The following ANXA6 variants were observed in gnomAD, a reference collection of about 807,000 sequenced individuals.
The protein encoded by ANXA6 is annexin A6, also known as 67 kDa calelectrin.
Under a neutral mutation model 95.4 loss-of-function variants are expected in ANXA6, and 71 were observed. The observed-to-expected ratio is 0.74, with a 90% CI of 0.61 to 0.91. The LOEUF (loss-of-function observed/expected upper bound fraction) is 0.91. ANXA6 is among the 40% of genes least tolerant of loss of function. ANXA6 has a pLI of 0.00. For synonymous variants in ANXA6, 289 were observed against 315.9 expected, an observed-to-expected ratio of 0.91 and a Z score of 0.90; for missense variants, 830 against 876.4, an observed-to-expected ratio of 0.95 and a Z score of 0.67.
At chr5:151,105,445 C>G in intron 23 of ANXA6, 142 bp from the exon 24 acceptor site, 2 of 725,520 alleles carry the variant, frequency 2.8e-6, no homozygotes, top group South Asian at 3.1e-5. Context: ...CATGCTCAGA[C>G]GACACCTTTG....
intron 7 of ANXA6, among the ~76,000 whole-genome samples, chr5:151,135,176 G>T (rs1346076394): frequency 6.6e-6 from 1 of 152,190 alleles, no homozygotes; most frequent in African/African-American, 2.4e-5. Flanking sequence ...CCTGGATTGT[G>T]CATTCCAGGA....
In ANXA6 at chr5:151,126,543, A is replaced by AACACACACACACACAC; in HGVS notation, c.978-79_978-64dup. 4 of 829,058 alleles carry AACACACACACACACAC rather than the reference A, an allele frequency of 4.8e-6. No individual in the cohort carries two copies. In the South Asian group the frequency reaches 6.1e-5, roughly 13 times the overall value. 51.4% of individuals were successfully genotyped at this position (829,058 alleles called of 1,614,324 possible). A position where few individuals can be genotyped will look rare whatever the true frequency, so the allele number is the denominator to read the frequency against. ...TGTCATCATGGGCAACACTCACACCAACACACACACACACACACACACACA... is the reference window on the plus strand; with the variant it reads ...TGTCATCATGGGCAACACTCACACCAACACACACACACACACACACACACACACACACACACACACA... On this transcript the variant is annotated intron_variant, in intron 13 of 25. Transcript: ENST00000354546.
intron 7 of ANXA6, 21 bp downstream of exon 7, chr5:151,136,235 A>G (rs1765656815): frequency 1.9e-6 from 3 of 1,613,272 alleles, no homozygotes; most frequent in South Asian, 2.2e-5. Context: ...TCCAGAGGAA[A>G]AAAATAGGCT....
intron 12 of ANXA6, among the ~76,000 whole-genome samples, chr5:151,128,737 TG>T (rs754321518): frequency 6.6e-6 from 1 of 152,256 alleles, no homozygotes; most frequent in Non-Finnish European, 1.5e-5. Flanking sequence ...GGCTTCATAA[TG>T]GACTTCAAAA....
intron 21 of ANXA6, 66 bp downstream of exon 21, chr5:151,110,561 T>G: frequency 6.4e-7 from 1 of 1,561,250 alleles, no homozygotes; most frequent in Non-Finnish European, 8.8e-7. Flanking sequence ...ACTGCCCCGC[T>G]CGGCCCAGTA....
Position 151,101,098 on chromosome 5 carries a change from C to G in ANXA6, c.*350G>C, listed in dbSNP as rs763483697. The G allele has an allele frequency of 8.0e-6, 4 of 497,670 alleles. No homozygotes were observed. The highest frequency in any genetic ancestry group is 1.6e-5 in the Non-Finnish European group (4 of 257,034). 30.8% of individuals were successfully genotyped at this position (497,670 alleles called of 1,614,324 possible). A position where few individuals can be genotyped will look rare whatever the true frequency, so the allele number is the denominator to read the frequency against. On this transcript the variant is annotated 3_prime_UTR_variant, in exon 26 of 26. Coordinates refer to ENST00000354546, the MANE Select transcript of ANXA6 (RefSeq NM_001155.5). ...AACCCCCTCATTCAAAGTACAGACA[C>G]TACTCATTTTACAGACAGAGGTTCA...
At chr5:151,130,256 G>A (rs3762994) in intron 11 of ANXA6, among the ~76,000 whole-genome samples, 23,981 of 150,674 alleles carry the variant, frequency 0.16, 2,207 homozygotes, top group South Asian at 0.37. Flanking sequence ...TTTTGAAGAG[G>A]CAGGGTCTCA....
chr5:151,122,053 C>A (rs1765181941), intron 17 of ANXA6, 94 bp downstream of exon 17: 1 of 719,878 alleles, frequency 1.4e-6, no homozygotes, highest in East Asian at 3.3e-5. Flanking sequence ...GGAGTTCTAC[C>A]AAGAAGTTAC....
At chr5:151,132,856 A>G (rs550969800) in intron 9 of ANXA6, among the ~76,000 whole-genome samples, 3 of 151,764 alleles carry the variant, frequency 2.0e-5, no homozygotes, top group South Asian at 4.2e-4. Flanking sequence ...GAGGGACTAT[A>G]CAAACTGCTG....
intron 17 of ANXA6, among the ~76,000 whole-genome samples, chr5:151,119,672 G>A (rs998949652): frequency 1.2e-4 from 19 of 152,184 alleles, no homozygotes; most frequent in African/African-American, 4.6e-4. Flanking sequence ...ATGAACATCT[G>A]AATAGAAATT....
At chr5:151,150,246 T>C (rs763633924) in intron 1 of ANXA6, among the ~76,000 whole-genome samples, 4 of 152,166 alleles carry the variant, frequency 2.6e-5, no homozygotes, top group Admixed American at 6.5e-5. Context: ...TCTCCACATA[T>C]TCCCTGTTCC....
intron 2 of ANXA6, among the ~76,000 whole-genome samples, chr5:151,144,082 G>A (rs1188390092): frequency 2.0e-5 from 3 of 152,174 alleles, no homozygotes; most frequent in Non-Finnish European, 4.4e-5. Flanking sequence ...AGAAGATGAT[G>A]GGGATAAACA....
At chr5:151,121,555 G>C (rs1239883410) in intron 17 of ANXA6, among the ~76,000 whole-genome samples, 1 of 152,200 alleles carries the variant, frequency 6.6e-6, no homozygotes, top group Admixed American at 6.5e-5. Context: ...CTAGTTTGAA[G>C]GGCAGAGGTG....
chr5:151,156,560 AG>A (rs2113966588), intron 1 of ANXA6, among the ~76,000 whole-genome samples: 1 of 152,260 alleles, frequency 6.6e-6, no homozygotes, highest in South Asian at 2.1e-4. Flanking sequence ...GGAATAATGG[AG>A]GGAAAAGGGC....
intron 20 of ANXA6, among the ~76,000 whole-genome samples, chr5:151,114,011 TA>T (rs1179757931): frequency 6.6e-5 from 10 of 152,230 alleles, no homozygotes; most frequent in Non-Finnish European, 1.3e-4. Context: ...AGTGTTTTCT[TA>T]AGTGAAGAAG....
rs1295242486 is a variant in ANXA6 at position 151,129,523 on chromosome 5, C to T, written c.802G>A (p.Gly268Arg). ...ERLFKAMKGLGTRDNTLIRIM... is the reference protein window; with the variant it reads ...ERLFKAMKGLRTRDNTLIRIM... ...CGGATCAGGGTGTTGTCCCGAGTCC[C>T]CAGGCCCTGCAAGACAAGTGGGTTT... is the stretch of plus-strand genomic sequence containing the variant. The change falls in exon 12 of 26, where the codon GGG becomes AGG. Residue 268 changes from glycine to arginine, a missense_variant. Coordinates refer to ENST00000354546, the MANE Select transcript of ANXA6 (RefSeq NM_001155.5). 3.1e-6 allele frequency: 5 copies of T among 1,601,912 alleles called. No homozygotes were observed. Among genetic ancestry groups the T allele is most frequent in the South Asian group, 1.1e-5 (1 of 89,166 alleles).
Position 151,100,733 on chromosome 5 carries a change from T to C in ANXA6, c.*715A>G. ...TGTTTATGTGTTTGTGTATCTCTTTTTATTTCTTCCTTAGAAATAAAAAGT... is the reference window on the plus strand; with the variant it reads ...TGTTTATGTGTTTGTGTATCTCTTTCTATTTCTTCCTTAGAAATAAAAAGT... On this transcript the variant is annotated 3_prime_UTR_variant, in exon 26 of 26. Coordinates refer to ENST00000354546, the MANE Select transcript of ANXA6 (RefSeq NM_001155.5). 1.0e-5 allele frequency: 4 copies of C among 383,254 alleles called. No homozygotes were observed. The highest frequency in any genetic ancestry group is 7.7e-5 in the South Asian group (4 of 51,782). The allele number at this position is 383,254 out of a possible 1,614,324, so 23.7% of individuals were successfully genotyped here.
In ANXA6 at chr5:151,126,493, G is replaced by T. The variant is rs775624074; in HGVS notation, c.978-13C>A. The T allele has an allele frequency of 6.2e-7, 1 of 1,600,936 alleles. No individual in the cohort carries two copies. The highest frequency in any genetic ancestry group is 1.1e-5 in the South Asian group (1 of 88,750). On this transcript the variant is annotated splice_polypyrimidine_tract_variant and intron_variant, in intron 13 of 25. Coordinates refer to ENST00000354546, the MANE Select transcript of ANXA6 (RefSeq NM_001155.5). ...CTGGCCAGCAGCACTGGAATGGAGG[G>T]GTTTAGGGAGAGGACAGGAAGGAAT...
chr5:151,136,131 C>CA (rs1765652298), intron 7 of ANXA6, 125 bp downstream of exon 7: 1 of 812,984 alleles, frequency 1.2e-6, no homozygotes, highest in African/African-American at 1.7e-5. Context: ...GAGGATTAGC[C>CA]AAATACACCT....
Sources: allele counts gnomAD v4.1 joint callset (sites outside exome capture counted in the v4.1 genomes callset), GRCh38; gene constraint gnomAD v4.1.1; transcripts MANE v1.5; gene names NCBI Gene and HGNC (gene_info 2026-07-23, HGNC 2026-07-21).